Variants in PLPPR1 observed in about 807,000 individuals in gnomAD.
PLPPR1 encodes the protein phospholipid phosphatase related 1, also known as phospholipid phosphatase-related protein type 1.
Under a neutral mutation model 33.1 loss-of-function variants are expected in PLPPR1, and 10 were observed. The ratio of observed to expected loss-of-function variants is 0.30; its 90% CI spans 0.19 to 0.51. PLPPR1 has a LOEUF of 0.51. Among genes scored for constraint, PLPPR1 ranks in the 20% least tolerant of loss-of-function variants. The pLI, the probability that PLPPR1 is intolerant of heterozygous loss-of-function variation, is 0.97. For synonymous variants in PLPPR1, 151 were observed against 151.0 expected (o/e 1.00, Z 0.00); for missense variants, 304 against 408.1 (o/e 0.74, Z 2.20).
chr9:101,191,439 T>C (rs1221694054), intron 2 of PLPPR1, among the ~76,000 whole-genome samples: 1 of 152,172 alleles, frequency 6.6e-6, no homozygotes, highest in Non-Finnish European at 1.5e-5. Context: ...CCTTCTTCCT[T>C]CTCTCCCGTT....
chr9:101,126,324 C>T (rs1426859100), intron 1 of PLPPR1, among the ~76,000 whole-genome samples: 5 of 152,266 alleles, frequency 3.3e-5, no homozygotes, highest in African/African-American at 1.2e-4. Context: ...CACAGTGACA[C>T]CCTTCAAATT....
intron 2 of PLPPR1, among the ~76,000 whole-genome samples, chr9:101,194,737 G>C (rs1159062808): frequency 7.0e-6 from 1 of 142,752 alleles, no homozygotes; most frequent in Non-Finnish European, 1.5e-5. Flanking sequence ...TGGGCAACAA[G>C]AGTGAAACTC....
chr9:101,037,239 G>C (rs1234822116), intron 1 of PLPPR1, among the ~76,000 whole-genome samples: 1 of 152,052 alleles, frequency 6.6e-6, no homozygotes, highest in Non-Finnish European at 1.5e-5. Flanking sequence ...CTGCTTGTGT[G>C]AATGTTATAA....
At position 101,285,748 on chromosome 9, in the gene PLPPR1, A is replaced by G. The variant is rs562638553; in HGVS notation, c.253-356A>G. Among the ~76,000 whole-genome samples, 6 of 152,338 alleles carry G rather than the reference A, an allele frequency of 3.9e-5. No individual in the cohort carries two copies. The East Asian group carries it at 1.2e-3, about 29-fold the overall frequency. ...GTGTGTATATAATGCCTTCTTGGGC[A>G]CATTGGCTGTCTGAATCATTCCTCA... On this transcript the variant is annotated intron_variant, in intron 3 of 7. Coordinates refer to ENST00000374874, the MANE Select transcript of PLPPR1 (RefSeq NM_207299.2).
intron 1 of PLPPR1, among the ~76,000 whole-genome samples, chr9:101,078,087 G>GAGA (rs1554724196): frequency 1.5e-5 from 1 of 67,784 alleles, no homozygotes; most frequent in Non-Finnish European, 2.9e-5. Context: ...AATGGAGGAG[G>GAGA]AGGAGAAGGA....
chr9:101,250,986 G>T (rs1827703784), intron 2 of PLPPR1, among the ~76,000 whole-genome samples: 1 of 151,840 alleles, frequency 6.6e-6, no homozygotes. Context: ...TTTATTCTAT[G>T]GGTTCACTAA....
chr9:101,031,543 A>G (rs1002828058), intron 1 of PLPPR1, among the ~76,000 whole-genome samples: 13 of 152,208 alleles, frequency 8.5e-5, no homozygotes, highest in African/African-American at 3.1e-4. Context: ...GAAAACATGT[A>G]TAAGTACTTG....
chr9:101,114,596 G>A (rs1047996594), intron 1 of PLPPR1, among the ~76,000 whole-genome samples: 5 of 152,326 alleles, frequency 3.3e-5, no homozygotes, highest in East Asian at 1.9e-4. Context: ...GGAAGGTAAG[G>A]AAGCCAGCTG....
intron 3 of PLPPR1, among the ~76,000 whole-genome samples, chr9:101,281,550 T>C (rs1333186768): frequency 6.6e-6 from 1 of 151,798 alleles, no homozygotes; most frequent in African/African-American, 2.4e-5. Flanking sequence ...GGTGCTGCCA[T>C]GAAAACAGAC....
At chr9:101,201,805 G>A (rs1826499178) in intron 2 of PLPPR1, among the ~76,000 whole-genome samples, 1 of 152,002 alleles carries the variant, frequency 6.6e-6, no homozygotes. Context: ...AACTCATCTT[G>A]GGTTAAGAGT....
chr9:101,178,379 T>C (rs540616364), intron 1 of PLPPR1, among the ~76,000 whole-genome samples: 27 of 152,302 alleles, frequency 1.8e-4, no homozygotes, highest in African/African-American at 5.8e-4. Context: ...GTTGATTATA[T>C]TGGACCTCTT....
intron 2 of PLPPR1, among the ~76,000 whole-genome samples, chr9:101,243,245 T>A (rs1427151488): frequency 6.6e-6 from 1 of 151,938 alleles, no homozygotes; most frequent in Non-Finnish European, 1.5e-5. Flanking sequence ...AGTAGGGAGT[T>A]GGGATTTTTA....
chr9:101,187,732 T>A (rs527418013), intron 2 of PLPPR1: 1 of 151,600 alleles, frequency 6.6e-6, no homozygotes, highest in East Asian at 1.9e-4. Context: ...ATCTTTTCAC[T>A]GTTTTTTTAA....
At chr9:101,201,388 C>T (rs570086554) in intron 2 of PLPPR1, among the ~76,000 whole-genome samples, 11 of 152,266 alleles carry the variant, frequency 7.2e-5, no homozygotes, top group Admixed American at 2.0e-4. Context: ...TCAGACTCTT[C>T]TTTGGCATCT....
intron 2 of PLPPR1, among the ~76,000 whole-genome samples, chr9:101,232,508 AT>A (rs1331929317): frequency 2.0e-5 from 3 of 151,936 alleles, no homozygotes; most frequent in African/African-American, 7.2e-5. Context: ...GAGAAAAAAA[AT>A]AATGAAGAAA....
intron 1 of PLPPR1, among the ~76,000 whole-genome samples, chr9:101,107,822 C>G (rs1257788502): frequency 6.7e-6 from 1 of 149,570 alleles, no homozygotes; most frequent in Non-Finnish European, 1.5e-5. Flanking sequence ...GTAGGACCCT[C>G]TCAGCCAGGT....
intron 1 of PLPPR1, among the ~76,000 whole-genome samples, chr9:101,144,437 G>A (rs1209035189): frequency 6.6e-6 from 1 of 152,094 alleles, no homozygotes; most frequent in East Asian, 1.9e-4. Context: ...TAAGTTAAAT[G>A]GGGTCATTGG....
intron 4 of PLPPR1, 51 bp from the exon 5 acceptor site, chr9:101,309,160 G>C: frequency 6.3e-7 from 1 of 1,595,064 alleles, no homozygotes; most frequent in East Asian, 2.2e-5. Flanking sequence ...GGAGAAAAAT[G>C]CAATTGACAG....
chr9:101,117,263 C>T (rs762064997), intron 1 of PLPPR1, among the ~76,000 whole-genome samples: 28 of 152,060 alleles, frequency 1.8e-4, no homozygotes, highest in Admixed American at 6.6e-5. Flanking sequence ...GTCATAAAGA[C>T]CATGCTGATA....
Sources: gnomAD v4.1 joint callset for allele counts (sites outside exome capture counted in the v4.1 genomes callset) on GRCh38, gnomAD v4.1.1 for gene constraint, MANE v1.5 for transcripts, NCBI Gene and HGNC (gene_info 2026-07-23, HGNC 2026-07-21) for gene names.